ITIH2: variants seen among roughly 807,000 people sequenced by gnomAD.
ITIH2 encodes the protein inter-alpha-trypsin inhibitor heavy chain 2.
Under a neutral mutation model 104.4 loss-of-function variants are expected in ITIH2, and 103 were observed. That is an observed-to-expected ratio of 0.99 (90% CI 0.84 to 1.16). The LOEUF is 1.16. ITIH2 is among the 50% of genes most tolerant of loss of function. The pLI, the probability that ITIH2 is intolerant of heterozygous loss-of-function variation, is 0.00. For missense variants in ITIH2, 1,108 were observed against 1,162.4 expected, an observed-to-expected ratio of 0.95 and a Z score of 0.68; for synonymous variants, 436 against 435.4, an observed-to-expected ratio of 1.00 and a Z score of -0.02.
chr10:7,723,365 T>G (rs181063234), intron 8 of ITIH2, 86 bp from the exon 9 acceptor site: 1 of 860,750 alleles, frequency 1.2e-6, no homozygotes, highest in Non-Finnish European at 2.0e-6. Flanking sequence ...TGTAGACCCC[T>G]CTCTTCTCTG....
At chr10:7,711,285 C>G (rs1229896096) in intron 4 of ITIH2, among the ~76,000 whole-genome samples, 1 of 152,234 alleles carries the variant, frequency 6.6e-6, no homozygotes, top group African/African-American at 2.4e-5. Flanking sequence ...CTTTTTATGG[C>G]TGCATACTAT....
intron 5 of ITIH2, among the ~76,000 whole-genome samples, chr10:7,717,330 A>G (rs924621179): frequency 7.2e-5 from 11 of 152,194 alleles, no homozygotes; most frequent in Non-Finnish European, 1.5e-4. Context: ...GCAATGATAG[A>G]TGTCAAATTC....
At chr10:7,742,134 G>A (rs996786423) in intron 16 of ITIH2, among the ~76,000 whole-genome samples, 2 of 152,030 alleles carry the variant, frequency 1.3e-5, no homozygotes, top group African/African-American at 4.8e-5. Context: ...TACTGACCAT[G>A]ACTTATGTTT....
chr10:7,709,509 CA>C (rs1834776687), intron 4 of ITIH2, among the ~76,000 whole-genome samples: 1 of 151,948 alleles, frequency 6.6e-6, no homozygotes, highest in African/African-American at 2.4e-5. Flanking sequence ...TAGGAAACCA[CA>C]TAAGAGCGTG....
At chr10:7,715,074 G>A (rs545010728) in intron 5 of ITIH2, among the ~76,000 whole-genome samples, 1 of 152,320 alleles carries the variant, frequency 6.6e-6, no homozygotes, top group African/African-American at 2.4e-5. Context: ...GAAGCTCCAA[G>A]CAGAGGAAAT....
chr10:7,722,166 T>C (rs1399612679), intron 8 of ITIH2, among the ~76,000 whole-genome samples: 2 of 152,158 alleles, frequency 1.3e-5, no homozygotes, highest in Non-Finnish European at 2.9e-5. Context: ...GCGGTGAATT[T>C]CAAGGCCAAG....
At chr10:7,714,840 A>T (rs1191166914) in intron 5 of ITIH2, among the ~76,000 whole-genome samples, 1 of 152,196 alleles carries the variant, frequency 6.6e-6, no homozygotes, top group Non-Finnish European at 1.5e-5. Context: ...GCTGAGCCCA[A>T]GTAGATTACA....
rs140958187 is a variant in ITIH2 at position 7,731,909 on chromosome 10, C to T, written c.1560C>T (p.Asn520=). The stretch of plus-strand genomic sequence containing the variant: ...ACGTCACTCAAAACAATTTCCATAA[C>T]TACTTTGGAGGCTCAGAGATTGTGG... ...VTDVTQNNFH[N]YFGGSEIVVA... Residue 520 remains asparagine (N), a synonymous_variant, in exon 13 of 21, where the codon AAC becomes AAT. Coordinates refer to ENST00000358415, the MANE Select transcript of ITIH2 (RefSeq NM_002216.3). 81 of 1,613,884 alleles carry T rather than the reference C, an allele frequency of 5.0e-5. No homozygotes were observed. The African/African-American group carries it at 1.0e-3, about 20-fold the overall frequency.
chr10:7,721,194 C>T (rs1187255739), intron 7 of ITIH2, among the ~76,000 whole-genome samples: 2 of 152,152 alleles, frequency 1.3e-5, no homozygotes, highest in South Asian at 2.1e-4. Context: ...CTCATTTCCC[C>T]GTCAGTCACC....
rs931458903 is a variant in ITIH2, at chr10:7,749,470, G to A, written c.*136G>A. 6.2e-5 allele frequency: 42 copies of A among 679,936 alleles called. No individual in the cohort carries two copies. The East Asian group carries it at 1.1e-3, about 17-fold the overall frequency. 42.1% of individuals were successfully genotyped at this position (679,936 alleles called of 1,614,324 possible). On this transcript the variant is annotated 3_prime_UTR_variant, in exon 21 of 21. Coordinates refer to ENST00000358415, the MANE Select transcript of ITIH2 (RefSeq NM_002216.3). The stretch of plus-strand genomic sequence containing the variant: ...ATTAAAATGAACCAGATATCAGGGT[G>A]GTTTATAAAGCCTGTAAACACACCT...
chr10:7,745,054 C>A, intron 19 of ITIH2, 91 bp downstream of exon 19: 1 of 1,113,772 alleles, frequency 9.0e-7, no homozygotes, highest in Non-Finnish European at 1.3e-6. Context: ...GAGGACATGG[C>A]AGGTGTGGAC....
chr10:7,746,458 C>T (rs1008277606), intron 19 of ITIH2, 135 bp from the exon 20 acceptor site: 9 of 631,304 alleles, frequency 1.4e-5, no homozygotes, highest in Non-Finnish European at 2.0e-5. Flanking sequence ...ATCACCACTC[C>T]TTTTTCCTCT....
Position 7,717,770 on chromosome 10 carries a change from G to A in ITIH2, c.612G>A (p.Arg204=), listed in dbSNP as rs1169197072. The A allele has an allele frequency of 5.6e-6, 9 of 1,610,836 alleles. No individual in the cohort carries two copies. The highest frequency in any genetic ancestry group is 7.6e-6 in the Non-Finnish European group (9 of 1,178,638). Residue 204 remains arginine, a synonymous_variant, in exon 6 of 21, where the codon CGG becomes CGA. Transcript: ENST00000358415. ...ACAGGATCTATCTGCAACCTGGACGGCTGGCCAAACACTTAGAGGTAAGCC... is the reference window on the plus strand; with the variant it reads ...ACAGGATCTATCTGCAACCTGGACGACTGGCCAAACACTTAGAGGTAAGCC... ...YEHRIYLQPG[R]LAKHLEVDVW...
In ITIH2 at chr10:7,718,413, G is replaced by C. The variant is rs148951024; in HGVS notation, c.630+625G>C. ...GTTCCAGAGGTTGGGCGCATCTTTA[G>C]GGGGGGAGGCCACCATTCAACCCAA... is the stretch of plus-strand genomic sequence containing the variant. On this transcript the variant is annotated intron_variant, in intron 6 of 20. Coordinates refer to ENST00000358415, the MANE Select transcript of ITIH2 (RefSeq NM_002216.3). Among the ~76,000 whole-genome samples the C allele has an allele frequency of 3.2e-3, 483 of 152,118 alleles. 3 individuals carry two copies. Among genetic ancestry groups the C allele is most frequent in the African/African-American group, 0.011 (436 of 41,520 alleles).
At chr10:7,730,793 T>G in intron 12 of ITIH2, among the ~76,000 whole-genome samples, 1 of 151,592 alleles carries the variant, frequency 6.6e-6, no homozygotes, top group Non-Finnish European at 1.5e-5. Context: ...GGCATCGTAT[T>G]TAAATTTGGG....
At chr10:7,710,920 C>CTTTTT (rs58634403) in intron 4 of ITIH2, among the ~76,000 whole-genome samples, 1 of 145,772 alleles carries the variant, frequency 6.9e-6, no homozygotes, top group Non-Finnish European at 1.5e-5. Context: ...TGTTTTCCTT[C>CTTTTT]TTTTTTTTTT....
chr10:7,725,608 G>A (rs1248507596), intron 9 of ITIH2, among the ~76,000 whole-genome samples: 2 of 152,230 alleles, frequency 1.3e-5, no homozygotes, highest in South Asian at 2.1e-4. Flanking sequence ...TGAGTGACTA[G>A]AAGGATGAAG....
At chr10:7,732,208 C>A in intron 13 of ITIH2, 130 bp from the exon 14 acceptor site, 1 of 1,120,952 alleles carries the variant, frequency 8.9e-7, no homozygotes, top group Non-Finnish European at 1.3e-6. Flanking sequence ...GAATGCATTT[C>A]CTTCCTCCGT....
At chr10:7,732,896 T>G (rs922598840) in intron 14 of ITIH2, among the ~76,000 whole-genome samples, 1 of 151,908 alleles carries the variant, frequency 6.6e-6, no homozygotes, top group African/African-American at 2.4e-5. Context: ...CCCAGCTAAT[T>G]TTTTTGTATT....
Sources: allele counts gnomAD v4.1 joint callset (sites outside exome capture counted in the v4.1 genomes callset), GRCh38; gene constraint gnomAD v4.1.1; transcripts MANE v1.5; gene names NCBI Gene and HGNC (gene_info 2026-07-23, HGNC 2026-07-21).